Variants in ATP8A1 observed in about 807,000 individuals in gnomAD.
ATP8A1 encodes ATPase phospholipid transporting 8A1.
Under a neutral mutation model 177.7 loss-of-function variants are expected in ATP8A1, and 90 were observed. The ratio of observed to expected loss-of-function variants is 0.51; its 90% CI spans 0.43 to 0.60. The LOEUF (loss-of-function observed/expected upper bound fraction) is 0.60, where lower values mean the gene tolerates loss of function less well. Among genes scored for constraint, ATP8A1 ranks in the 20% least tolerant of loss-of-function variants. The probability of loss-of-function intolerance (pLI) is 0.00; values close to 1 mark genes in which losing one functional copy is unlikely to be tolerated. For synonymous variants in ATP8A1, 493 were observed against 485.9 expected, an observed-to-expected ratio of 1.01 and a Z score of -0.19; for missense variants, 1,072 against 1,392.8, an observed-to-expected ratio of 0.77 and a Z score of 3.67.
intron 33 of ATP8A1, among the ~76,000 whole-genome samples, chr4:42,430,404 CGA>C (rs1008531466): frequency 3.9e-5 from 6 of 152,140 alleles, no homozygotes; most frequent in African/African-American, 9.6e-5. Flanking sequence ...GGAGAAAAAT[CGA>C]GAGTCTTTAC....
At chr4:42,518,000 C>A (rs1241748645) in intron 22 of ATP8A1, among the ~76,000 whole-genome samples, 4 of 152,138 alleles carry the variant, frequency 2.6e-5, no homozygotes, top group Admixed American at 2.6e-4. Context: ...ACCTGAGTAA[C>A]TAAGCATCAC....
chr4:42,605,947 C>G (rs1409322762), intron 5 of ATP8A1, among the ~76,000 whole-genome samples: 1 of 152,136 alleles, frequency 6.6e-6, no homozygotes. Context: ...GCTGACATTC[C>G]TCTTCTCAAG....
chr4:42,651,992 C>G (rs910500400), intron 1 of ATP8A1, among the ~76,000 whole-genome samples: 2 of 152,226 alleles, frequency 1.3e-5, no homozygotes, highest in African/African-American at 2.4e-5. Flanking sequence ...AATTCTTAGT[C>G]TTCTGCTTTA....
At chr4:42,513,249 A>G (rs900357892) in intron 22 of ATP8A1, among the ~76,000 whole-genome samples, 1 of 152,210 alleles carries the variant, frequency 6.6e-6, no homozygotes, top group Non-Finnish European at 1.5e-5. Flanking sequence ...TTCAAACTAC[A>G]AAGCCTTTAA....
chr4:42,597,026 G>A (rs1359487643), intron 6 of ATP8A1, among the ~76,000 whole-genome samples: 1 of 152,138 alleles, frequency 6.6e-6, no homozygotes. Context: ...TTGCAACAGG[G>A]AAAAGGTTTC....
chr4:42,654,478 GCT>G (rs1218764730), intron 1 of ATP8A1, among the ~76,000 whole-genome samples: 1 of 152,068 alleles, frequency 6.6e-6, no homozygotes, highest in African/African-American at 2.4e-5. Flanking sequence ...GGGAGGGCAG[GCT>G]CCAAGGTCTC....
At chr4:42,421,930 T>C (rs1319151004) in intron 35 of ATP8A1, among the ~76,000 whole-genome samples, 1 of 152,110 alleles carries the variant, frequency 6.6e-6, no homozygotes, top group Non-Finnish European at 1.5e-5. Context: ...GCTTTCTAAC[T>C]TTCCTTTTTT....
intron 24 of ATP8A1, among the ~76,000 whole-genome samples, chr4:42,497,239 G>A (rs1560390917): frequency 6.6e-6 from 1 of 152,158 alleles, no homozygotes; most frequent in African/African-American, 2.4e-5. Flanking sequence ...TCTCTATCTG[G>A]AACTGAGACA....
At position 42,441,612 on chromosome 4, in the gene ATP8A1, C is replaced by A. The variant is rs1014394574; in HGVS notation, c.3123+1953G>T. Among the ~76,000 whole-genome samples, 3 of 152,178 alleles carry A rather than the reference C, an allele frequency of 2.0e-5. No individual in the cohort carries two copies. In the East Asian group the frequency reaches 5.8e-4, roughly 29 times the overall value. On this transcript the variant is annotated intron_variant, in intron 33 of 36. Coordinates refer to ENST00000381668, the MANE Select transcript of ATP8A1 (RefSeq NM_006095.2). ...AATCTGAGTGGCATTCTCACTATAT[C>A]CTTATATTGGCATTATTGTGAGGCT... is the stretch of plus-strand genomic sequence containing the variant.
chr4:42,425,425 G>A (rs557166711), intron 33 of ATP8A1, among the ~76,000 whole-genome samples: 1 of 152,182 alleles, frequency 6.6e-6, no homozygotes, highest in South Asian at 2.1e-4. Context: ...CATGAATTGA[G>A]GGGAAAAAAG....
chr4:42,413,119 C>T (rs1472603227), intron 36 of ATP8A1, 106 bp from the exon 37 acceptor site: 1 of 821,924 alleles, frequency 1.2e-6, no homozygotes, highest in African/African-American at 1.7e-5. Context: ...ATGCAGCCTT[C>T]CCACATTCAA....
At chr4:42,636,150 A>ACACACACG (rs1553920734) in intron 1 of ATP8A1, among the ~76,000 whole-genome samples, 2 of 31,870 alleles carry the variant, frequency 6.3e-5, no homozygotes, top group African/African-American at 1.4e-4. Context: ...ACACACACAC[A>ACACACACG]CACACACGCA....
chr4:42,565,616 T>C (rs187687207), intron 15 of ATP8A1, among the ~76,000 whole-genome samples: 107 of 152,300 alleles, frequency 7.0e-4, no homozygotes, highest in Middle Eastern at 3.4e-3. Flanking sequence ...ACAAGAATAA[T>C]GTGAAACTAT....
chr4:42,505,413 C>G (rs962465892), intron 23 of ATP8A1, among the ~76,000 whole-genome samples: 2 of 152,132 alleles, frequency 1.3e-5, no homozygotes, highest in African/African-American at 2.4e-5. Flanking sequence ...ACATTTACTG[C>G]CCTTTATTGC....
intron 35 of ATP8A1, among the ~76,000 whole-genome samples, chr4:42,415,729 T>C (rs1396965690): frequency 6.6e-6 from 1 of 152,190 alleles, no homozygotes; most frequent in Non-Finnish European, 1.5e-5. Context: ...TTTCCCACTA[T>C]AAAAGCTTTA....
intron 9 of ATP8A1, among the ~76,000 whole-genome samples, chr4:42,583,120 C>T (rs1437508627): frequency 5.9e-5 from 9 of 152,162 alleles, no homozygotes; most frequent in Non-Finnish European, 1.2e-4. Context: ...GCTGCTCTGG[C>T]CCAGTAGGCT....
At chr4:42,617,325 C>T (rs1003609899) in intron 4 of ATP8A1, among the ~76,000 whole-genome samples, 14 of 152,206 alleles carry the variant, frequency 9.2e-5, no homozygotes, top group African/African-American at 2.9e-4. Context: ...ATTCTTCCCA[C>T]ACAGACATGC....
At chr4:42,467,100 C>T (rs933330850) in intron 25 of ATP8A1, among the ~76,000 whole-genome samples, 3 of 152,196 alleles carry the variant, frequency 2.0e-5, no homozygotes, top group Non-Finnish European at 4.4e-5. Flanking sequence ...GCAAGGTGAG[C>T]TGACATTAGT....
In ATP8A1 at chr4:42,507,164, A is replaced by G. The variant is rs1053530533; in HGVS notation, c.1948-10T>C. On this transcript the variant is annotated splice_polypyrimidine_tract_variant and intron_variant, in intron 22 of 36. Coordinates refer to ENST00000381668, the MANE Select transcript of ATP8A1 (RefSeq NM_006095.2). Reference sequence around the variant, plus strand: ...CAAGTAGCTGAAGATTCTGAAAAAAATTAGTGGTAGAAATGTTTTAAAAAT... The same window carrying G: ...CAAGTAGCTGAAGATTCTGAAAAAAGTTAGTGGTAGAAATGTTTTAAAAAT... 3.7e-6 allele frequency: 6 copies of G among 1,612,066 alleles called. No individual in the cohort carries two copies. The highest frequency in any genetic ancestry group is 5.1e-6 in the Non-Finnish European group (6 of 1,179,504).
Sources: gnomAD v4.1 joint callset for allele counts (sites outside exome capture counted in the v4.1 genomes callset) on GRCh38, gnomAD v4.1.1 for gene constraint, MANE v1.5 for transcripts, NCBI Gene and HGNC (gene_info 2026-07-23, HGNC 2026-07-21) for gene names.